RBKS: variants seen among roughly 807,000 people sequenced by gnomAD.
The protein encoded by RBKS is ribokinase.
In RBKS, 33 loss-of-function variants were observed where a neutral mutation model predicts 33.9. That is an observed-to-expected ratio of 0.97 (90% CI 0.74 to 1.30). The LOEUF (loss-of-function observed/expected upper bound fraction) is 1.30. Ranked by LOEUF, RBKS falls within the 50% of genes most tolerant of loss-of-function variation. The probability of loss-of-function intolerance (pLI) is 0.00; values close to 1 mark genes in which losing one functional copy is unlikely to be tolerated. For missense variants in RBKS, 361 were observed against 392.6 expected, an observed-to-expected ratio of 0.92 and a Z score of 0.68; for synonymous variants, 125 against 143.0, an observed-to-expected ratio of 0.87 and a Z score of 0.90.
chr2:27,783,592 T>C (rs911042047), intron 7 of RBKS, among the ~76,000 whole-genome samples: 1 of 152,116 alleles, frequency 6.6e-6, no homozygotes, highest in African/African-American at 2.4e-5. Context: ...AATTTAAATG[T>C]GACTACACAG....
chr2:27,835,972 T>G (rs950098833), intron 5 of RBKS, among the ~76,000 whole-genome samples: 6 of 151,838 alleles, frequency 4.0e-5, no homozygotes, highest in Admixed American at 1.3e-4. Flanking sequence ...TCCTAGCACT[T>G]TGGGAGGCTG....
intron 7 of RBKS, 113 bp downstream of exon 7, chr2:27,827,452 CAT>C: frequency 1.2e-6 from 1 of 858,730 alleles, no homozygotes; most frequent in Non-Finnish European, 1.7e-6. Context: ...TCTCTTTTAC[CAT>C]ATCACTTACT....
chr2:27,786,728 C>A (rs1408551589), intron 7 of RBKS, among the ~76,000 whole-genome samples: 1 of 151,076 alleles, frequency 6.6e-6, no homozygotes, highest in African/African-American at 2.4e-5. Flanking sequence ...TTGCAGTGAG[C>A]CAAGACCGTG....
intron 7 of RBKS, among the ~76,000 whole-genome samples, chr2:27,825,147 A>T (rs1678286027): frequency 6.6e-6 from 1 of 152,164 alleles, no homozygotes; most frequent in South Asian, 2.1e-4. Flanking sequence ...AAAAAAAAAA[A>T]AAAGTCAATT....
intron 2 of RBKS, 134 bp from the exon 3 acceptor site, chr2:27,848,231 T>C: frequency 3.6e-6 from 2 of 550,672 alleles, no homozygotes; most frequent in Non-Finnish European, 6.4e-6. Context: ...TTAATCTTCT[T>C]AATATAAGAT....
intron 7 of RBKS, chr2:27,809,614 TGACCCCA>T: frequency 5.0e-6 from 1 of 199,436 alleles, no homozygotes. Context: ...CTTTTTTTTG[TGACCCCA>T]CTATTCTAGA....
intron 5 of RBKS, among the ~76,000 whole-genome samples, chr2:27,833,158 G>T (rs759840429): frequency 6.6e-6 from 1 of 152,170 alleles, no homozygotes; most frequent in Non-Finnish European, 1.5e-5. Context: ...TACTTTAAGT[G>T]CTTGGTTTCA....
At chr2:27,879,332 C>T (rs1573079879) in intron 1 of RBKS, among the ~76,000 whole-genome samples, 2 of 152,094 alleles carry the variant, frequency 1.3e-5, no homozygotes, top group African/African-American at 4.8e-5. Flanking sequence ...CTCCTAAACT[C>T]CTGTTGAAAT....
At chr2:27,861,259 C>A (rs912358950) in intron 1 of RBKS, among the ~76,000 whole-genome samples, 1 of 151,962 alleles carries the variant, frequency 6.6e-6, no homozygotes, top group South Asian at 2.1e-4. Context: ...TGAGCCACCG[C>A]GCCCAGCCTC....
chr2:27,831,728 G>A (rs1469385475), intron 6 of RBKS, among the ~76,000 whole-genome samples: 1 of 152,102 alleles, frequency 6.6e-6, no homozygotes, highest in African/African-American at 2.4e-5. Flanking sequence ...AGGAGTTCGA[G>A]ATTAGCCTAG....
At chr2:27,871,548 T>C (rs1664213700) in intron 1 of RBKS, among the ~76,000 whole-genome samples, 1 of 152,224 alleles carries the variant, frequency 6.6e-6, no homozygotes, top group Non-Finnish European at 1.5e-5. Context: ...CGTTTATTTT[T>C]TACTAATTTG....
intron 2 of RBKS, among the ~76,000 whole-genome samples, chr2:27,855,253 ATGAAGGATAGTCTCATATT>A (rs1250416678): frequency 3.9e-5 from 6 of 152,234 alleles, no homozygotes; most frequent in Admixed American, 3.3e-4. Context: ...AGTCTCATAT[ATGAAGGATAGTCTCATATT>A]TGAAGGATAG....
chr2:27,844,200 C>T (rs1299888776), intron 4 of RBKS, among the ~76,000 whole-genome samples: 1 of 144,770 alleles, frequency 6.9e-6, no homozygotes, highest in Non-Finnish European at 1.5e-5. Flanking sequence ...GCGGAGGTAG[C>T]AGTGACCTGA....
At chr2:27,805,197 A>G (rs528735081) in intron 7 of RBKS, among the ~76,000 whole-genome samples, 2 of 152,322 alleles carry the variant, frequency 1.3e-5, no homozygotes, top group South Asian at 4.1e-4. Context: ...GGTTTAAAAA[A>G]TCGCAGAAAA....
intron 1 of RBKS, among the ~76,000 whole-genome samples, chr2:27,879,333 C>G (rs915587929): frequency 4.6e-5 from 7 of 152,250 alleles, no homozygotes; most frequent in African/African-American, 1.7e-4. Context: ...TCCTAAACTC[C>G]TGTTGAAATT....
chr2:27,806,651 T>A (rs1303958886), intron 7 of RBKS, among the ~76,000 whole-genome samples: 3 of 152,248 alleles, frequency 2.0e-5, no homozygotes, highest in Non-Finnish European at 4.4e-5. Flanking sequence ...GGGGAGGCCA[T>A]AAATGTATTC....
chr2:27,797,588 C>T (rs1677687387), intron 7 of RBKS, among the ~76,000 whole-genome samples: 1 of 152,096 alleles, frequency 6.6e-6, no homozygotes, highest in South Asian at 2.1e-4. Context: ...CTTATGTTTT[C>T]CATAGTGATG....
chr2:27,801,462 T>TAC (rs1491245145), intron 7 of RBKS, among the ~76,000 whole-genome samples: 11,529 of 82,632 alleles, frequency 0.14, 1,064 homozygotes, highest in East Asian at 0.44. Flanking sequence ...AGGGCCACAG[T>TAC]ATACACACAC....
intron 1 of RBKS, among the ~76,000 whole-genome samples, chr2:27,864,797 A>G (rs887451355): frequency 2.0e-5 from 3 of 152,220 alleles, no homozygotes; most frequent in Admixed American, 1.3e-4. Context: ...GAGCCTATAT[A>G]GGACATTTCA....
Sources: gnomAD v4.1 joint callset for allele counts (sites outside exome capture counted in the v4.1 genomes callset) on GRCh38, gnomAD v4.1.1 for gene constraint, MANE v1.5 for transcripts, NCBI Gene and HGNC (gene_info 2026-07-23, HGNC 2026-07-21) for gene names.